FAT3: variants seen among roughly 807,000 people sequenced by gnomAD.
The protein encoded by FAT3 is protocadherin Fat 3.
FAT3 carries 95 observed loss-of-function variants against 310.2 expected under a neutral mutation model. The ratio of observed to expected loss-of-function variants is 0.31; its 90% confidence interval spans 0.26 to 0.36. The LOEUF (loss-of-function observed/expected upper bound fraction) is 0.36. FAT3 is among the 10% of genes least tolerant of loss of function. FAT3 has a pLI of 1.00. For synonymous variants in FAT3, 2,314 were observed against 2,192.9 expected (o/e 1.06, Z -1.54); for missense variants, 5,408 against 5,715.6 (o/e 0.95, Z 1.74).
intron 2 of FAT3, among the ~76,000 whole-genome samples, chr11:92,523,125 TTCAA>T (rs1953740097): frequency 6.6e-6 from 1 of 152,196 alleles, no homozygotes; most frequent in Admixed American, 6.5e-5. Flanking sequence ...TCTTTATTCA[TTCAA>T]TCAGTGAACA....
At chr11:92,503,635 CT>C (rs1198223380) in intron 2 of FAT3, among the ~76,000 whole-genome samples, 1 of 152,112 alleles carries the variant, frequency 6.6e-6, no homozygotes, top group Non-Finnish European at 1.5e-5. Context: ...CTCTCTCTTT[CT>C]TTTGTTCTCA....
intron 3 of FAT3, among the ~76,000 whole-genome samples, chr11:92,588,104 T>C (rs1186554377): frequency 6.6e-6 from 1 of 151,998 alleles, no homozygotes; most frequent in Admixed American, 6.6e-5. Context: ...TGTATAGGTC[T>C]AAGGATCTCC....
Position 92,353,738 on chromosome 11 carries a change from T to G in FAT3, c.1626T>G (p.Ile542Met). 2 of 1,613,878 alleles carry G rather than the reference T, an allele frequency of 1.2e-6. No individual in the cohort carries two copies. The highest frequency in any genetic ancestry group is 1.1e-5 in the South Asian group (1 of 91,082). The change falls in exon 2 of 28, where the codon ATT becomes ATG. Residue 542 changes from isoleucine to methionine, a missense_variant. Transcript: ENST00000525166. ...EELDFESSPE[I>M]YRFIVRASDW... is the part of the protein sequence containing the mutation. ...TGGATTTTGAATCCTCCCCAGAAAT[T>G]TACAGATTCATTGTTAGAGCCTCTG... is the stretch of plus-strand genomic sequence containing the variant.
At chr11:92,323,531 G>A (rs557451520) in intron 1 of FAT3, among the ~76,000 whole-genome samples, 2 of 151,474 alleles carry the variant, frequency 1.3e-5, no homozygotes, top group African/African-American at 4.9e-5. Flanking sequence ...GGGATTATAG[G>A]CATAAGCCAC....
chr11:92,602,777 G>A (rs1940093587), intron 3 of FAT3, among the ~76,000 whole-genome samples: 1 of 152,196 alleles, frequency 6.6e-6, no homozygotes, highest in African/African-American at 2.4e-5. Flanking sequence ...TTGATATCTA[G>A]ATAGTAGATG....
intron 3 of FAT3, among the ~76,000 whole-genome samples, chr11:92,581,567 A>G (rs1234870178): frequency 6.6e-6 from 1 of 152,000 alleles, no homozygotes; most frequent in African/African-American, 2.4e-5. Flanking sequence ...CATAGCACCT[A>G]TGAATTTGGC....
At chr11:92,449,270 A>G (rs1419218666) in intron 2 of FAT3, among the ~76,000 whole-genome samples, 4 of 152,186 alleles carry the variant, frequency 2.6e-5, no homozygotes, top group Non-Finnish European at 5.9e-5. Flanking sequence ...GATGCAGGTT[A>G]GTGTCATAGC....
At chr11:92,662,261 T>C (rs1439841981) in intron 3 of FAT3, among the ~76,000 whole-genome samples, 1 of 152,206 alleles carries the variant, frequency 6.6e-6, no homozygotes, top group South Asian at 2.1e-4. Context: ...ATGTCAGCCA[T>C]GGAAGCATAG....
chr11:92,507,862 G>C (rs1439823542), intron 2 of FAT3, among the ~76,000 whole-genome samples: 1 of 149,220 alleles, frequency 6.7e-6, no homozygotes, highest in Non-Finnish European at 1.5e-5. Flanking sequence ...GTTTGCATGT[G>C]CGTGTATACC....
intron 2 of FAT3, among the ~76,000 whole-genome samples, chr11:92,370,885 A>G (rs1043037322): frequency 1.3e-5 from 2 of 152,214 alleles, no homozygotes; most frequent in South Asian, 2.1e-4. Flanking sequence ...TTAGAACTTC[A>G]TAATTTGGTA....
chr11:92,736,731 A>G (rs1406911266), intron 4 of FAT3, among the ~76,000 whole-genome samples: 2 of 152,200 alleles, frequency 1.3e-5, no homozygotes, highest in African/African-American at 4.8e-5. Context: ...AGCAACACCT[A>G]TACTCTTTTG....
chr11:92,813,909 A>C (rs542724942), intron 13 of FAT3, among the ~76,000 whole-genome samples: 16 of 152,338 alleles, frequency 1.1e-4, no homozygotes, highest in African/African-American at 3.6e-4. Flanking sequence ...CATACGTTGG[A>C]ACCTAATTCC....
intron 10 of FAT3, among the ~76,000 whole-genome samples, chr11:92,804,141 G>T (rs758289091): frequency 6.6e-6 from 1 of 152,170 alleles, no homozygotes; most frequent in Non-Finnish European, 1.5e-5. Flanking sequence ...TTTCCCTCCA[G>T]AATGTGATCT....
intron 1 of FAT3, among the ~76,000 whole-genome samples, chr11:92,240,785 C>T (rs1015862301): frequency 2.6e-5 from 4 of 152,034 alleles, no homozygotes; most frequent in Non-Finnish European, 4.4e-5. Context: ...AAGCCAGCAA[C>T]TTACTTACCT....
intron 3 of FAT3, among the ~76,000 whole-genome samples, chr11:92,580,621 C>T (rs1326951816): frequency 6.6e-6 from 1 of 152,120 alleles, no homozygotes; most frequent in Non-Finnish European, 1.5e-5. Context: ...CTTGTCTTCT[C>T]TGCAAACCCT....
rs1311676375 is a variant in FAT3, at chr11:92,859,058, G to A, written c.11501-107G>A. ...CTCATTGCCTTCATTAACTTCTCAT[G>A]CATGGTCTTTAATCAACTTGGTTGG... On this transcript the variant is annotated intron_variant, in intron 20 of 27. Transcript: ENST00000525166. 17 of 1,056,226 alleles carry A rather than the reference G, an allele frequency of 1.6e-5. No homozygotes were observed. The South Asian group carries it at 1.9e-4, about 12-fold the overall frequency. The allele number at this position is 1,056,226 out of a possible 1,614,324, so 65.4% of individuals were successfully genotyped here.
chr11:92,549,027 C>A (rs1954712965), intron 3 of FAT3, among the ~76,000 whole-genome samples: 1 of 152,126 alleles, frequency 6.6e-6, no homozygotes, highest in South Asian at 2.1e-4. Context: ...AATTAGACTG[C>A]CAAGATCTTA....
intron 2 of FAT3, among the ~76,000 whole-genome samples, chr11:92,477,628 G>A (rs1231437435): frequency 6.6e-6 from 1 of 152,156 alleles, no homozygotes; most frequent in African/African-American, 2.4e-5. Context: ...TTTACTGTCT[G>A]TGTTCTGGCT....
intron 2 of FAT3, among the ~76,000 whole-genome samples, chr11:92,418,942 A>T (rs1478230536): frequency 3.3e-5 from 5 of 152,140 alleles, no homozygotes; most frequent in Non-Finnish European, 7.3e-5. Flanking sequence ...CTGGAGAGAA[A>T]ACATTTTTAT....
Sources: gnomAD v4.1 joint callset for allele counts (sites outside exome capture counted in the v4.1 genomes callset) on GRCh38, gnomAD v4.1.1 for gene constraint, MANE v1.5 for transcripts, NCBI Gene and HGNC (gene_info 2026-07-23, HGNC 2026-07-21) for gene names.